CFAP68: variants seen among roughly 807,000 people sequenced by gnomAD.
CFAP68 encodes the protein cilia and flagella associated protein 68.
At chr11:111,879,548 C>T in the CFAP68 span, 1 of 1,614,050 alleles carries the variant, frequency 6.2e-7, no homozygotes, top group South Asian at 1.1e-5. Flanking sequence ...AACCTTTTTT[C>T]ACCTCGTCTG....
chr11:111,882,598 G>T, the CFAP68 span: 1 of 1,555,904 alleles, frequency 6.4e-7, no homozygotes, highest in South Asian at 1.2e-5. Flanking sequence ...TGCCTTCCCA[G>T]GTAATCTAAC....
the CFAP68 span, chr11:111,883,639 A>G: frequency 1.4e-6 from 1 of 690,124 alleles, no homozygotes; most frequent in Non-Finnish European, 2.5e-6. Context: ...GAATGAGTAA[A>G]CAGGATTTTT....
chr11:111,880,240 C>T, the CFAP68 span, among the ~76,000 whole-genome samples: 1 of 151,532 alleles, frequency 6.6e-6, no homozygotes, highest in Non-Finnish European at 1.5e-5. Context: ...TGTGTTGTTT[C>T]CATGTTTAGG....
the CFAP68 span, chr11:111,883,741 T>C: frequency 6.7e-7 from 1 of 1,488,780 alleles, no homozygotes; most frequent in Admixed American, 1.7e-5. Flanking sequence ...TTTTCATTTG[T>C]CTTTCCTTCC....
At chr11:111,881,472 T>C in the CFAP68 span, 1 of 1,536,044 alleles carries the variant, frequency 6.5e-7, no homozygotes, top group South Asian at 1.2e-5. Context: ...GGTGATTCTT[T>C]CTTTGCTTGG....
chr11:111,884,156 G>T, the CFAP68 span: 1 of 276,634 alleles, frequency 3.6e-6, no homozygotes, highest in African/African-American at 2.3e-5. Context: ...TCTACATTTG[G>T]GGTGTTGTAG....
the CFAP68 span, chr11:111,882,697 A>C: frequency 8.9e-7 from 1 of 1,127,534 alleles, no homozygotes; most frequent in Non-Finnish European, 1.2e-6. Flanking sequence ...CTTCTGGTGC[A>C]GTGATCTCTC....
At chr11:111,883,929 C>A in the CFAP68 span, 1 of 1,286,116 alleles carries the variant, frequency 7.8e-7, no homozygotes, top group Non-Finnish European at 1.1e-6. Flanking sequence ...TGACTAGTTT[C>A]ACATCCAGGT....
the CFAP68 span, chr11:111,882,596 C>T: frequency 1.9e-6 from 3 of 1,559,052 alleles, no homozygotes; most frequent in Non-Finnish European, 1.7e-6. Flanking sequence ...CTTGCCTTCC[C>T]AGGTAATCTA....
chr11:111,883,232 A>G, the CFAP68 span: 14 of 1,521,418 alleles, frequency 9.2e-6, no homozygotes, highest in Admixed American at 7.9e-5. Context: ...AAATTCTTAC[A>G]TTTTCAGAAC....
chr11:111,880,046 G>A, the CFAP68 span, among the ~76,000 whole-genome samples: 4 of 152,168 alleles, frequency 2.6e-5, no homozygotes, highest in Non-Finnish European at 5.9e-5. Context: ...CAGGTCATAG[G>A]GAGCGTTGTA....
the CFAP68 span, chr11:111,883,730 G>T: frequency 2.3e-5 from 32 of 1,410,124 alleles, no homozygotes; most frequent in Admixed American, 5.4e-4. Flanking sequence ...AGTGTTGACT[G>T]TTTTCATTTG....
At chr11:111,881,702 C>A in the CFAP68 span, 1 of 1,398,392 alleles carries the variant, frequency 7.2e-7, no homozygotes, top group Non-Finnish European at 9.4e-7. Flanking sequence ...AAAATGAAAT[C>A]AGACATTGAT....
chr11:111,882,546 A>G, the CFAP68 span: 3 of 1,613,852 alleles, frequency 1.9e-6, no homozygotes, highest in South Asian at 3.3e-5. Flanking sequence ...AACTGGAACC[A>G]GGAAAGATAT....
At chr11:111,883,644 A>AT in the CFAP68 span, 24 of 701,622 alleles carry the variant, frequency 3.4e-5, no homozygotes, top group African/African-American at 3.3e-4. Flanking sequence ...AGTAAACAGG[A>AT]TTTTTTCTTC....
the CFAP68 span, among the ~76,000 whole-genome samples, chr11:111,882,751 G>A: frequency 6.6e-6 from 1 of 152,182 alleles, no homozygotes; most frequent in African/African-American, 2.4e-5. Context: ...GTCCGCAGCT[G>A]AACCACCTAT....
chr11:111,881,338 A>G, the CFAP68 span: 1 of 1,453,316 alleles, frequency 6.9e-7, no homozygotes, highest in Non-Finnish European at 9.0e-7. Context: ...ACAAAGGCAG[A>G]TGGTATGAGG....
the CFAP68 span, chr11:111,882,400 A>T: frequency 1.2e-6 from 2 of 1,614,040 alleles, no homozygotes; most frequent in East Asian, 4.5e-5. Context: ...TCACAAACCC[A>T]CACTGTGGCA....
the CFAP68 span, among the ~76,000 whole-genome samples, chr11:111,879,862 A>G: frequency 1.1e-4 from 16 of 152,332 alleles, no homozygotes; most frequent in East Asian, 2.7e-3. Flanking sequence ...TGGATGAAGT[A>G]AACCCGAGTT....
Sources: gnomAD v4.1 joint callset for allele counts (sites outside exome capture counted in the v4.1 genomes callset) on GRCh38, gnomAD v4.1.1 for gene constraint, MANE v1.5 for transcripts, NCBI Gene and HGNC (gene_info 2026-07-23, HGNC 2026-07-21) for gene names.